Variants in SYT14 observed in about 807,000 individuals in gnomAD.
SYT14 encodes synaptotagmin-14.
Under a neutral mutation model 74.2 loss-of-function variants are expected in SYT14, and 32 were observed. The ratio of observed to expected loss-of-function variants is 0.43; its 90% CI spans 0.33 to 0.58. The LOEUF is 0.58. SYT14 is among the 20% of genes least tolerant of loss of function. The pLI is 0.05. For synonymous variants in SYT14, 298 were observed against 337.7 expected, an observed-to-expected ratio of 0.88 and a Z score of 1.29; for missense variants, 791 against 981.8, an observed-to-expected ratio of 0.81 and a Z score of 2.60.
chr1:210,007,337 T>G (rs905348913), intron 2 of SYT14, among the ~76,000 whole-genome samples: 4 of 152,004 alleles, frequency 2.6e-5, no homozygotes, highest in African/African-American at 9.7e-5. Context: ...TAGTGGACGA[T>G]ATAGCTCACA....
intron 2 of SYT14, among the ~76,000 whole-genome samples, chr1:209,964,013 CG>C (rs1222847498): frequency 6.6e-6 from 1 of 152,132 alleles, no homozygotes; most frequent in Non-Finnish European, 1.5e-5. Flanking sequence ...TTGTTATACA[CG>C]CTTGGGTCAG....
intron 7 of SYT14, among the ~76,000 whole-genome samples, chr1:210,117,057 G>A (rs981016237): frequency 2.0e-5 from 3 of 152,094 alleles, no homozygotes; most frequent in Non-Finnish European, 4.4e-5. Context: ...ACATATGTGT[G>A]TATGCCACTT....
chr1:210,092,486 A>G (rs112189180), intron 5 of SYT14, among the ~76,000 whole-genome samples: 1 of 152,184 alleles, frequency 6.6e-6, no homozygotes, highest in Non-Finnish European at 1.5e-5. Flanking sequence ...GCTTAGGAGA[A>G]AAAGAGGTTA....
At chr1:210,106,918 C>T (rs954477792) in intron 7 of SYT14, among the ~76,000 whole-genome samples, 1 of 152,202 alleles carries the variant, frequency 6.6e-6, no homozygotes, top group African/African-American at 2.4e-5. Context: ...AAGGCAAGTC[C>T]CTTCCACCTA....
intron 7 of SYT14, among the ~76,000 whole-genome samples, chr1:210,129,619 T>C (rs950948937): frequency 6.6e-6 from 1 of 152,250 alleles, no homozygotes; most frequent in East Asian, 1.9e-4. Flanking sequence ...TAATGTTCAC[T>C]AAACCTTTAG....
At chr1:210,032,956 G>A (rs1362743086) in intron 5 of SYT14, among the ~76,000 whole-genome samples, 3 of 151,516 alleles carry the variant, frequency 2.0e-5, no homozygotes, top group Admixed American at 2.0e-4. Flanking sequence ...TTAAAACTGA[G>A]TTTTAATACG....
At chr1:210,157,345 G>A (rs897812944) in intron 8 of SYT14, among the ~76,000 whole-genome samples, 4 of 151,816 alleles carry the variant, frequency 2.6e-5, no homozygotes, top group African/African-American at 4.8e-5. Flanking sequence ...AGGAGGGTGA[G>A]GTGGAAGGAT....
At chr1:210,134,702 C>G (rs1357101819) in intron 7 of SYT14, among the ~76,000 whole-genome samples, 1 of 152,070 alleles carries the variant, frequency 6.6e-6, no homozygotes, top group Non-Finnish European at 1.5e-5. Context: ...CCTCCATTTC[C>G]TAAATCATTT....
intron 7 of SYT14, among the ~76,000 whole-genome samples, chr1:210,112,253 C>A (rs1470501059): frequency 6.6e-6 from 1 of 151,172 alleles, no homozygotes; most frequent in African/African-American, 2.5e-5. Context: ...AGGGGCAAAT[C>A]CCCGAGCTTG....
At chr1:210,002,093 C>T (rs2079910748) in intron 2 of SYT14, among the ~76,000 whole-genome samples, 2 of 152,162 alleles carry the variant, frequency 1.3e-5, no homozygotes, top group Admixed American at 1.3e-4. Context: ...TGGAATGATT[C>T]ACCAGGTATC....
chr1:209,948,396 C>T (rs2078856289), intron 1 of SYT14, among the ~76,000 whole-genome samples: 1 of 152,168 alleles, frequency 6.6e-6, no homozygotes, highest in Non-Finnish European at 1.5e-5. Context: ...TTCTCTTACA[C>T]CCCTTATGCC....
chr1:210,041,575 G>A (rs2080789817), intron 5 of SYT14, among the ~76,000 whole-genome samples: 1 of 152,032 alleles, frequency 6.6e-6, no homozygotes, highest in African/African-American at 2.4e-5. Context: ...TACACTAAGT[G>A]AAAAAAGCAA....
intron 7 of SYT14, among the ~76,000 whole-genome samples, chr1:210,132,012 C>T (rs901059975): frequency 6.6e-6 from 1 of 152,142 alleles, no homozygotes; most frequent in African/African-American, 2.4e-5. Flanking sequence ...CACTCTTCTA[C>T]GGAAACACTC....
intron 2 of SYT14, among the ~76,000 whole-genome samples, chr1:209,957,071 T>A (rs1335751553): frequency 2.0e-5 from 3 of 152,122 alleles, no homozygotes; most frequent in Non-Finnish European, 2.9e-5. Flanking sequence ...GAAACTAACT[T>A]ATGCTGACTG....
At chr1:210,084,916 A>T (rs551269682) in intron 5 of SYT14, among the ~76,000 whole-genome samples, 1 of 152,306 alleles carries the variant, frequency 6.6e-6, no homozygotes, top group South Asian at 2.1e-4. Flanking sequence ...GCAATTCTCT[A>T]ATCTCCGATG....
intron 2 of SYT14, among the ~76,000 whole-genome samples, chr1:209,964,543 C>G (rs916826382): frequency 3.9e-5 from 6 of 152,064 alleles, no homozygotes; most frequent in South Asian, 2.1e-4. Flanking sequence ...TGGTTATTCC[C>G]TTATGTTTAT....
chr1:210,139,090 ATT>A (rs11365249), intron 7 of SYT14, among the ~76,000 whole-genome samples: 88 of 135,182 alleles, frequency 6.5e-4, no homozygotes, highest in East Asian at 1.9e-3. Context: ...GAGTACTTTT[ATT>A]TTTTTTTTTT....
At chr1:210,053,112 A>G (rs930722101) in intron 5 of SYT14, among the ~76,000 whole-genome samples, 9 of 152,226 alleles carry the variant, frequency 5.9e-5, no homozygotes, top group African/African-American at 1.4e-4. Context: ...CAATATCAAT[A>G]TAGATCAACA....
chr1:210,142,774 AC>A (rs2082944492), intron 7 of SYT14, among the ~76,000 whole-genome samples: 1 of 151,986 alleles, frequency 6.6e-6, no homozygotes, highest in Non-Finnish European at 1.5e-5. Flanking sequence ...CCCATTTCCC[AC>A]TGTTTGCATT....
Sources: gnomAD v4.1 joint callset for allele counts (sites outside exome capture counted in the v4.1 genomes callset) on GRCh38, gnomAD v4.1.1 for gene constraint, MANE v1.5 for transcripts, NCBI Gene and HGNC (gene_info 2026-07-23, HGNC 2026-07-21) for gene names.